Variants in DOCK1 observed in about 807,000 individuals in gnomAD.
DOCK1 encodes dedicator of cytokinesis protein 1.
A neutral mutation model predicts 262.7 loss-of-function variants in DOCK1; 138 were observed. The ratio of observed to expected loss-of-function variants is 0.53; its 90% confidence interval spans 0.46 to 0.61. DOCK1 has a LOEUF of 0.61. Among genes scored for constraint, DOCK1 ranks in the 20% least tolerant of loss-of-function variants. The pLI is 0.00. For synonymous variants in DOCK1, 866 were observed against 867.4 expected (o/e 1.00, Z 0.03); for missense variants, 1,908 against 2,370.7 (o/e 0.80, Z 4.05).
chr10:127,223,875 C>CA (rs1455185326), intron 27 of DOCK1, among the ~76,000 whole-genome samples: 2 of 152,136 alleles, frequency 1.3e-5, no homozygotes, highest in African/African-American at 4.8e-5. Flanking sequence ...CAGTGAGGCT[C>CA]AGGGTGGAGC....
chr10:127,249,068 A>T (rs1286683699), intron 28 of DOCK1, among the ~76,000 whole-genome samples: 1 of 152,122 alleles, frequency 6.6e-6, no homozygotes, highest in African/African-American at 2.4e-5. Context: ...CCCTGGTGCC[A>T]AAAAGGATGG....
At chr10:127,030,232 G>A (rs61873971) in intron 16 of DOCK1, among the ~76,000 whole-genome samples, 5,913 of 152,282 alleles carry the variant, frequency 0.039, 150 homozygotes, top group Middle Eastern at 0.065. Flanking sequence ...CTCGGAATCT[G>A]TAATTGTAGA....
At chr10:126,951,855 T>C (rs1441076778) in intron 1 of DOCK1, among the ~76,000 whole-genome samples, 1 of 151,074 alleles carries the variant, frequency 6.6e-6, no homozygotes, top group Non-Finnish European at 1.5e-5. Flanking sequence ...CCTCTTCATT[T>C]TTTTTTTTTT....
intron 1 of DOCK1, among the ~76,000 whole-genome samples, chr10:126,953,400 T>A (rs2036486430): frequency 6.7e-6 from 1 of 149,618 alleles, no homozygotes; most frequent in South Asian, 2.1e-4. Flanking sequence ...AGTGGTGGTA[T>A]TGGTGATGGT....
chr10:126,934,747 GTTTTTTTTTTTT>G lies in DOCK1; in HGVS notation c.46+29197_46+29208del, dbSNP rs1166445414. 2.4e-4 allele frequency among the ~76,000 whole-genome samples: 26 copies of G among 107,452 alleles called. No homozygotes were observed. In the East Asian group the frequency reaches 2.5e-3, roughly 10 times the overall value. The allele number at this position is 107,452 out of a possible 152,430, so 70.5% of individuals were successfully genotyped here. A position where few individuals can be genotyped will look rare whatever the true frequency, so the allele number is the denominator to read the frequency against. Reference sequence around the variant, plus strand: ...GTCACAGCCTATTTGGAATTTACGAGTTTTTTTTTTTTTTTTTTTTTTTTGTCTTCTTGATAA... The same window carrying G: ...GTCACAGCCTATTTGGAATTTACGAGTTTTTTTTTTTTGTCTTCTTGATAA... On this transcript the variant is annotated intron_variant, in intron 1 of 51. Transcript: ENST00000623213.
At chr10:127,038,542 G>C (rs143938083) in intron 19 of DOCK1, among the ~76,000 whole-genome samples, 1 of 152,108 alleles carries the variant, frequency 6.6e-6, no homozygotes, top group Admixed American at 6.5e-5. Context: ...ATCAGCATTC[G>C]TACTAGACTC....
chr10:126,946,457 G>A (rs1037029229), intron 1 of DOCK1, among the ~76,000 whole-genome samples: 111 of 152,142 alleles, frequency 7.3e-4, no homozygotes, highest in Non-Finnish European at 1.1e-3. Flanking sequence ...TGAGGCAGGA[G>A]AATCGCTTGA....
chr10:127,438,997 C>A (rs1007580282), intron 48 of DOCK1, 30 bp from the exon 49 acceptor site: 141 of 1,532,628 alleles, frequency 9.2e-5, no homozygotes, highest in Non-Finnish European at 1.2e-4. Context: ...AATTGCTCTC[C>A]TATTAAGACG....
chr10:127,093,815 C>T (rs1165964841), intron 23 of DOCK1, among the ~76,000 whole-genome samples: 1 of 152,162 alleles, frequency 6.6e-6, no homozygotes, highest in African/African-American at 2.4e-5. Flanking sequence ...ATACCTGAGA[C>T]TCGGTAAAAT....
At chr10:126,920,168 G>C (rs1435262668) in intron 1 of DOCK1, among the ~76,000 whole-genome samples, 1 of 152,182 alleles carries the variant, frequency 6.6e-6, no homozygotes, top group African/African-American at 2.4e-5. Flanking sequence ...GGTTGGGCAA[G>C]TCAGTTACAC....
chr10:127,135,267 C>T (rs901854278), intron 27 of DOCK1, among the ~76,000 whole-genome samples: 1 of 152,196 alleles, frequency 6.6e-6, no homozygotes, highest in South Asian at 2.1e-4. Context: ...CAGGCCAGCT[C>T]TGGCTGGTGG....
At chr10:127,151,572 G>T (rs2133470018) in intron 27 of DOCK1, among the ~76,000 whole-genome samples, 1 of 152,250 alleles carries the variant, frequency 6.6e-6, no homozygotes, top group Middle Eastern at 3.4e-3. Context: ...TGACAGTCGG[G>T]TCTGCAGGCT....
At chr10:127,313,981 G>C (rs144215325) in intron 29 of DOCK1, among the ~76,000 whole-genome samples, 1 of 152,160 alleles carries the variant, frequency 6.6e-6, no homozygotes, top group African/African-American at 2.4e-5. Flanking sequence ...TGTGTGGAAC[G>C]TATTTTATGT....
chr10:127,026,439 A>G lies in DOCK1; in HGVS notation c.1624+15A>G. On this transcript the variant is annotated intron_variant, in intron 16 of 51. Transcript: ENST00000623213. ...ATCACAGGACTGTGAGTAGTCAAGCACTTTCTTCCCCCAAGTATTTTTAAG... is the reference window on the plus strand; with the variant it reads ...ATCACAGGACTGTGAGTAGTCAAGCGCTTTCTTCCCCCAAGTATTTTTAAG... 6.4e-7 allele frequency: 1 copy of G among 1,567,842 alleles called. No homozygotes were observed. Among genetic ancestry groups the G allele is most frequent in the Non-Finnish European group, 8.7e-7 (1 of 1,154,942 alleles).
In DOCK1 at chr10:127,027,612, C is replaced by T. The variant is rs1222368526; in HGVS notation, c.1624+1188C>T. Among the ~76,000 whole-genome samples, 3 of 8,788 alleles carry T rather than the reference C, an allele frequency of 3.4e-4. No homozygotes were observed. The East Asian group carries it at 0.088, about 258-fold the overall frequency. 5.8% of individuals were successfully genotyped at this position (8,788 alleles called of 152,430 possible). A position where few individuals can be genotyped will look rare whatever the true frequency, so the allele number is the denominator to read the frequency against. ...AAAACAAAAAGCAAAACAAAAAAAA[C>T]ATTAAACCTTCCTCCTAGGGTATTC... is the stretch of plus-strand genomic sequence containing the variant. On this transcript the variant is annotated intron_variant, in intron 16 of 51. Transcript: ENST00000623213.
chr10:127,038,797 T>C (rs2043828143), intron 19 of DOCK1, among the ~76,000 whole-genome samples: 1 of 152,270 alleles, frequency 6.6e-6, no homozygotes, highest in Middle Eastern at 3.4e-3. Flanking sequence ...TTGTTTGTGG[T>C]TCTGATGTTT....
intron 1 of DOCK1, among the ~76,000 whole-genome samples, chr10:126,915,285 G>A (rs186922746): frequency 2.6e-5 from 4 of 152,284 alleles, no homozygotes; most frequent in African/African-American, 7.2e-5. Context: ...CTATAAAGAC[G>A]GAAGTGATGC....
At chr10:126,947,322 T>C (rs1591397571) in intron 1 of DOCK1, among the ~76,000 whole-genome samples, 1 of 149,956 alleles carries the variant, frequency 6.7e-6, no homozygotes, top group Admixed American at 6.6e-5. Context: ...GTGATGGTGG[T>C]GGTTGGTAGT....
intron 10 of DOCK1, among the ~76,000 whole-genome samples, chr10:127,004,248 AAAG>A (rs1460298003): frequency 0.021 from 1,568 of 73,624 alleles, 25 homozygotes; most frequent in African/African-American, 0.05. Flanking sequence ...TCAAAAAAAA[AAAG>A]AAAAGAAAAC....
Sources: allele counts gnomAD v4.1 joint callset (sites outside exome capture counted in the v4.1 genomes callset), GRCh38; gene constraint gnomAD v4.1.1; transcripts MANE v1.5; gene names NCBI Gene and HGNC (gene_info 2026-07-23, HGNC 2026-07-21).